The following FILIP1 variants were observed in gnomAD, a reference collection of about 807,000 sequenced individuals.
FILIP1 encodes filamin A interacting protein 1.
In FILIP1, 61 loss-of-function variants were observed where a neutral mutation model predicts 102.1. That is an observed-to-expected ratio of 0.60 (90% CI 0.49 to 0.74). The LOEUF is 0.74. Ranked by LOEUF, FILIP1 falls within the 30% of genes least tolerant of loss-of-function variation. The pLI, the probability that FILIP1 is intolerant of heterozygous loss-of-function variation, is 0.00. For missense variants in FILIP1, 1,314 were observed against 1,441.2 expected, an observed-to-expected ratio of 0.91 and a Z score of 1.43; for synonymous variants, 491 against 526.9, an observed-to-expected ratio of 0.93 and a Z score of 0.93.
At chr6:75,393,830 T>C (rs1046916732) in intron 2 of FILIP1, among the ~76,000 whole-genome samples, 3 of 152,178 alleles carry the variant, frequency 2.0e-5, no homozygotes, top group Non-Finnish European at 4.4e-5. Flanking sequence ...TTGGAGTCAG[T>C]AGAGGAATGT....
At chr6:75,352,060 G>A (rs6903526) in intron 4 of FILIP1, among the ~76,000 whole-genome samples, 92,423 of 151,994 alleles carry the variant, frequency 0.61, 28,192 homozygotes, top group South Asian at 0.7. Flanking sequence ...TTCTCCTTCC[G>A]CAAGGGATGT....
intron 4 of FILIP1, among the ~76,000 whole-genome samples, chr6:75,328,042 T>A (rs181429664): frequency 6.6e-6 from 1 of 152,166 alleles, no homozygotes; most frequent in Non-Finnish European, 1.5e-5. Context: ...GGCAACTACA[T>A]AGGATAAACA....
chr6:75,490,276 T>A (rs1303880724), intron 1 of FILIP1, among the ~76,000 whole-genome samples: 1 of 152,134 alleles, frequency 6.6e-6, no homozygotes, highest in East Asian at 1.9e-4. Context: ...GTAAGTTTCA[T>A]CACTTTGACC....
chr6:75,316,594 GTGAGA>G (rs1456964985), intron 4 of FILIP1, among the ~76,000 whole-genome samples: 1 of 152,084 alleles, frequency 6.6e-6, no homozygotes, highest in Non-Finnish European at 1.5e-5. Context: ...TAAATACAGT[GTGAGA>G]TAAGTATTAC....
At chr6:75,482,658 T>A (rs1219004544) in intron 1 of FILIP1, among the ~76,000 whole-genome samples, 2 of 152,228 alleles carry the variant, frequency 1.3e-5, no homozygotes, top group South Asian at 4.1e-4. Flanking sequence ...AGTGAACATT[T>A]AAAACATTTG....
chr6:75,340,119 T>A (rs1273360679), intron 4 of FILIP1, among the ~76,000 whole-genome samples: 2 of 152,116 alleles, frequency 1.3e-5, no homozygotes, highest in African/African-American at 2.4e-5. Flanking sequence ...ATATTTTACT[T>A]CTTATAAAAT....
At chr6:75,303,409 A>C (rs1267427071), downstream of FILIP1, among the ~76,000 whole-genome samples, 1 of 152,200 alleles carries the variant, frequency 6.6e-6, no homozygotes, top group African/African-American at 2.4e-5. Context: ...TGTATACATA[A>C]AATAAGGAGC....
At chr6:75,435,649 G>A (rs1777994056) in intron 1 of FILIP1, among the ~76,000 whole-genome samples, 1 of 152,180 alleles carries the variant, frequency 6.6e-6, no homozygotes, top group Non-Finnish European at 1.5e-5. Flanking sequence ...CCCAAGGGTG[G>A]GAGGGATGAA....
chr6:75,326,355 G>T (rs1352633165), intron 4 of FILIP1, among the ~76,000 whole-genome samples: 1 of 152,120 alleles, frequency 6.6e-6, no homozygotes, highest in Non-Finnish European at 1.5e-5. Context: ...GGGAAGTGGG[G>T]TAGAGGGGTA....
At chr6:75,419,384 T>G (rs973619069) in intron 1 of FILIP1, among the ~76,000 whole-genome samples, 1 of 152,200 alleles carries the variant, frequency 6.6e-6, no homozygotes, top group Non-Finnish European at 1.5e-5. Flanking sequence ...ATCCAACCCC[T>G]GTCTGTTCCT....
intron 1 of FILIP1, among the ~76,000 whole-genome samples, chr6:75,449,170 C>T (rs1200330605): frequency 2.2e-4 from 33 of 152,114 alleles, no homozygotes; most frequent in Admixed American, 2.2e-3. Flanking sequence ...GAAATAATGG[C>T]ATTTGCAGCA....
In FILIP1 at chr6:75,414,979, C is replaced by T. The variant is rs1196134989; in HGVS notation, c.-6-1G>A. On this transcript the variant is annotated splice_acceptor_variant, in intron 1 of 5. Coordinates refer to ENST00000237172, the MANE Select transcript of FILIP1 (RefSeq NM_015687.5). LOFTEE classifies it low-confidence loss of function (5UTR_SPLICE). ...CTTGGTTTCGAGATCTCATTCCCACCTACAACACATACATAAAAAAAGATA... is the reference window on the plus strand; with the variant it reads ...CTTGGTTTCGAGATCTCATTCCCACTTACAACACATACATAAAAAAAGATA... 1 of 1,609,088 alleles carries T rather than the reference C, an allele frequency of 6.2e-7. No individual in the cohort carries two copies. The highest frequency in any genetic ancestry group is 1.7e-5 in the Admixed American group (1 of 59,384).
chr6:75,365,375 T>A lies in FILIP1; in HGVS notation c.277-2458A>T, dbSNP rs981064435. ...TTGTTTGTTTTTCTGTTTTTTGTTT[T>A]TGTTTTTGTTTTTGAGACAGAGTCT... On this transcript the variant is annotated intron_variant, in intron 2 of 5. Coordinates refer to ENST00000237172, the MANE Select transcript of FILIP1 (RefSeq NM_015687.5). Among the ~76,000 whole-genome samples the A allele has an allele frequency of 2.6e-4, 39 of 152,208 alleles. No homozygotes were observed. In the East Asian group the frequency reaches 4.1e-3, roughly 16 times the overall value.
At chr6:75,452,235 T>C (rs1778658081) in intron 1 of FILIP1, among the ~76,000 whole-genome samples, 1 of 152,130 alleles carries the variant, frequency 6.6e-6, no homozygotes, top group African/African-American at 2.4e-5. Context: ...ATTAGGTATA[T>C]CTCCTAATGC....
intron 2 of FILIP1, among the ~76,000 whole-genome samples, chr6:75,412,373 T>C (rs538772062): frequency 2.0e-5 from 3 of 152,290 alleles, no homozygotes; most frequent in East Asian, 3.9e-4. Flanking sequence ...CAGAGATAAT[T>C]TGACTTCCTC....
chr6:75,392,581 A>G (rs1776310547), intron 2 of FILIP1, among the ~76,000 whole-genome samples: 3 of 152,008 alleles, frequency 2.0e-5, no homozygotes, highest in Admixed American at 1.3e-4. Context: ...CCCACATTCA[A>G]CCTGCCAGCA....
At chr6:75,406,400 C>G (rs1776845742) in intron 2 of FILIP1, among the ~76,000 whole-genome samples, 1 of 152,152 alleles carries the variant, frequency 6.6e-6, no homozygotes, top group Non-Finnish European at 1.5e-5. Context: ...CTTCAAAGTC[C>G]AAATTTTTAG....
intron 1 of FILIP1, among the ~76,000 whole-genome samples, chr6:75,415,656 A>G (rs1777242911): frequency 6.6e-6 from 1 of 152,082 alleles, no homozygotes; most frequent in Non-Finnish European, 1.5e-5. Context: ...CTATTTTCCC[A>G]TAGCCTCTAT....
intron 6 of FILIP1, among the ~76,000 whole-genome samples, chr6:75,302,073 T>G (rs1772852606): frequency 6.6e-6 from 1 of 152,152 alleles, no homozygotes; most frequent in Non-Finnish European, 1.5e-5. Context: ...AAGGGCCATT[T>G]GTAACTCATG....
Sources: gnomAD v4.1 joint callset for allele counts (sites outside exome capture counted in the v4.1 genomes callset) on GRCh38, gnomAD v4.1.1 for gene constraint, MANE v1.5 for transcripts, NCBI Gene and HGNC (gene_info 2026-07-23, HGNC 2026-07-21) for gene names.